PALM2AKAP2: variants seen among roughly 807,000 people sequenced by gnomAD.
PALM2AKAP2 encodes PALM2-AKAP2 fusion protein.
A neutral mutation model predicts 71.5 loss-of-function variants in PALM2AKAP2; 37 were observed. That is an observed-to-expected ratio of 0.52 (90% CI 0.40 to 0.68). The LOEUF is 0.68. Ranked by LOEUF, PALM2AKAP2 falls within the 30% of genes least tolerant of loss-of-function variation. PALM2AKAP2 has a pLI of 0.00. For synonymous variants in PALM2AKAP2, 468 were observed against 478.8 expected (o/e 0.98, Z 0.29); for missense variants, 1,224 against 1,191.8 (o/e 1.03, Z -0.40).
chr9:110,126,807 G>A (rs1236818424), intron 1 of PALM2AKAP2, among the ~76,000 whole-genome samples: 2 of 152,184 alleles, frequency 1.3e-5, no homozygotes, highest in African/African-American at 2.4e-5. Context: ...AGCCCAAGCT[G>A]TAAATATATT....
intron 1 of PALM2AKAP2, among the ~76,000 whole-genome samples, chr9:109,664,961 C>T (rs958856156): frequency 6.6e-6 from 1 of 152,174 alleles, no homozygotes; most frequent in African/African-American, 2.4e-5. Context: ...ACCCTTTCTT[C>T]CACTTGATTG....
chr9:110,035,782 T>TATATGATATGTTGTATGTTATATGTAAC, intron 7 of PALM2AKAP2, among the ~76,000 whole-genome samples: 1 of 127,378 alleles, frequency 7.9e-6, no homozygotes, highest in African/African-American at 3.3e-5. Flanking sequence ...ATATGTAACA[T>TATATGATATGTTGTATGTTATATGTAAC]ATATAGGATA....
intron 6 of PALM2AKAP2, chr9:109,943,702 A>C: frequency 2.6e-6 from 1 of 379,104 alleles, no homozygotes; most frequent in Non-Finnish European, 4.8e-6. Context: ...ATTGGAATGG[A>C]CTCTTCGTAT....
intron 1 of PALM2AKAP2, among the ~76,000 whole-genome samples, chr9:109,745,031 C>T (rs570775179): frequency 6.6e-6 from 1 of 152,300 alleles, no homozygotes; most frequent in South Asian, 2.1e-4. Context: ...CACCAAGCAA[C>T]TTTTCAGCAT....
At chr9:109,899,514 T>A (rs1435743420) in intron 3 of PALM2AKAP2, among the ~76,000 whole-genome samples, 1 of 152,184 alleles carries the variant, frequency 6.6e-6, no homozygotes, top group Admixed American at 6.5e-5. Flanking sequence ...GAAGTATCTT[T>A]CAAAGTTCAT....
intron 6 of PALM2AKAP2, among the ~76,000 whole-genome samples, chr9:110,003,027 A>T (rs964137741): frequency 5.3e-5 from 8 of 151,966 alleles, no homozygotes; most frequent in Non-Finnish European, 1.2e-4. Context: ...GTGTCTCTAT[A>T]TCCTTCAGTT....
chr9:110,162,599 A>G (rs771079255), intron 3 of PALM2AKAP2, among the ~76,000 whole-genome samples: 1 of 152,224 alleles, frequency 6.6e-6, no homozygotes, highest in African/African-American at 2.4e-5. Context: ...AAGATGAACC[A>G]TCCTAATCTA....
chr9:110,141,249 T>C (rs1313112016), intron 2 of PALM2AKAP2, among the ~76,000 whole-genome samples: 1 of 152,164 alleles, frequency 6.6e-6, no homozygotes, highest in Admixed American at 6.5e-5. Flanking sequence ...AGTACTTCCC[T>C]CTATGCTAAT....
intron 1 of PALM2AKAP2, among the ~76,000 whole-genome samples, chr9:109,752,173 A>G (rs572416622): frequency 6.6e-6 from 1 of 152,296 alleles, no homozygotes; most frequent in East Asian, 1.9e-4. Context: ...GGTAACTTAT[A>G]TGGCGAGAAA....
chr9:109,709,796 A>T (rs1285400421), intron 1 of PALM2AKAP2, among the ~76,000 whole-genome samples: 2 of 152,162 alleles, frequency 1.3e-5, no homozygotes, highest in South Asian at 2.1e-4. Context: ...ATCCACAGTT[A>T]AAAAAAGCTG....
upstream of PALM2AKAP2, among the ~76,000 whole-genome samples, chr9:110,044,139 C>T (rs1355495049): frequency 6.6e-6 from 1 of 152,018 alleles, no homozygotes; most frequent in Non-Finnish European, 1.5e-5. Flanking sequence ...ATATTTCCCC[C>T]AGTTTGTTTC....
chr9:109,736,007 G>GTCTA (rs1334728806), intron 1 of PALM2AKAP2, among the ~76,000 whole-genome samples: 1 of 152,172 alleles, frequency 6.6e-6, no homozygotes, highest in Non-Finnish European at 1.5e-5. Context: ...TCTATGCTGA[G>GTCTA]GTCATGTCCC....
At chr9:109,780,446 T>C (rs1829423313), upstream of PALM2AKAP2, 2 of 1,605,150 alleles carry the variant, frequency 1.2e-6, no homozygotes, top group Non-Finnish European at 1.7e-6. Context: ...ACAGCGTGTG[T>C]TTTTTCTTTC....
rs545495337 is a variant in PALM2AKAP2 at position 110,161,459 on chromosome 9, G to C, written c.2748+4962G>C. ...CTATAGGAACTAAAGGATCATTTCA[G>C]TTCCTAAGTGCTCATACTAATAATC... On this transcript the variant is annotated intron_variant, in intron 3 of 3. Coordinates refer to ENST00000374525, the Ensembl canonical transcript of PALM2AKAP2. 4.3e-4 allele frequency among the ~76,000 whole-genome samples: 66 copies of C among 152,198 alleles called. 1 individual carries two copies. In the South Asian group the frequency reaches 0.013, roughly 31 times the overall value.
chr9:109,646,827 CT>C (rs1390005023), intron 1 of PALM2AKAP2, among the ~76,000 whole-genome samples: 1 of 152,186 alleles, frequency 6.6e-6, no homozygotes, highest in Non-Finnish European at 1.5e-5. Context: ...ATTTTTCTTG[CT>C]GAATCAGTCT....
intron 1 of PALM2AKAP2, among the ~76,000 whole-genome samples, chr9:110,056,967 C>G (rs116431789): frequency 1.2e-3 from 183 of 152,264 alleles, no homozygotes; most frequent in African/African-American, 4.1e-3. Context: ...GAGAAGAGAT[C>G]GTTCCCTTTC....
Position 109,865,397 on chromosome 9 carries a change from G to A in PALM2AKAP2, c.46-2094G>A, listed in dbSNP as rs76002817. Among the ~76,000 whole-genome samples the A allele has an allele frequency of 1.2e-4, 18 of 152,014 alleles. No individual in the cohort carries two copies. In the East Asian group the frequency reaches 2.9e-3, roughly 24 times the overall value. ...TACAGGTATGAGCCACTGTGTGCCC[G>A]GCCCTAAATCCTACCCATTCTTAAA... On this transcript the variant is annotated intron_variant, in intron 1 of 9. Transcript: ENST00000302798.
chr9:109,720,832 A>C (rs750255884), intron 1 of PALM2AKAP2, among the ~76,000 whole-genome samples: 1 of 152,332 alleles, frequency 6.6e-6, no homozygotes, highest in Non-Finnish European at 1.5e-5. Flanking sequence ...TGATTCTTTC[A>C]ATGAATGTTT....
chr9:109,732,619 A>G (rs1398319600), intron 1 of PALM2AKAP2, among the ~76,000 whole-genome samples: 1 of 152,224 alleles, frequency 6.6e-6, no homozygotes, highest in Non-Finnish European at 1.5e-5. Context: ...AAGGCAGACA[A>G]AGACCCTGAT....
Sources: allele counts gnomAD v4.1 joint callset (sites outside exome capture counted in the v4.1 genomes callset), GRCh38; gene constraint gnomAD v4.1.1; transcripts MANE v1.5; gene names NCBI Gene and HGNC (gene_info 2026-07-23, HGNC 2026-07-21).